Variants in STAU2 observed in about 807,000 individuals in gnomAD.
The protein encoded by STAU2 is double-stranded RNA-binding protein Staufen homolog 2.
STAU2 carries 20 observed loss-of-function variants against 65.9 expected under a neutral mutation model. That is an observed-to-expected ratio of 0.30 (90% CI 0.21 to 0.44). STAU2 has a LOEUF of 0.44. Ranked by LOEUF, STAU2 falls within the 20% of genes least tolerant of loss-of-function variation. The pLI, the probability that STAU2 is intolerant of heterozygous loss-of-function variation, is 1.00. For missense variants in STAU2, 558 were observed against 683.9 expected (o/e 0.82, Z 2.05); for synonymous variants, 232 against 233.9 (o/e 0.99, Z 0.07).
intron 13 of STAU2, among the ~76,000 whole-genome samples, chr8:73,499,332 T>A (rs1422185532): frequency 6.6e-6 from 1 of 151,844 alleles, no homozygotes; most frequent in Non-Finnish European, 1.5e-5. Flanking sequence ...CATCAAAATG[T>A]GGCTAGTAGT....
rs537796344 is a variant in STAU2, at chr8:73,707,489, A to G, written c.114+1543T>C. ...GGTCAACATGCTGGAACAATCATCT[A>G]TTTAAGTGTTGAAATCACCAAAAAT... On this transcript the variant is annotated intron_variant, in intron 4 of 14. Transcript: ENST00000524300. 5.3e-5 allele frequency among the ~76,000 whole-genome samples: 8 copies of G among 152,330 alleles called. No homozygotes were observed. In the South Asian group the frequency reaches 1.4e-3, roughly 28 times the overall value.
intron 11 of STAU2, among the ~76,000 whole-genome samples, chr8:73,592,519 A>G (rs779295560): frequency 2.6e-5 from 4 of 152,142 alleles, no homozygotes; most frequent in African/African-American, 4.8e-5. Context: ...TTCCACAGAG[A>G]AAATTCTAAG....
chr8:73,738,514 A>G (rs533094196), intron 2 of STAU2, among the ~76,000 whole-genome samples, 165 bp from the exon 3 acceptor site: 20 of 152,346 alleles, frequency 1.3e-4, no homozygotes, highest in South Asian at 8.3e-4. Flanking sequence ...GCACTGTCCA[A>G]TCTGGAAGTC....
chr8:73,537,602 T>C (rs984238485), intron 13 of STAU2, among the ~76,000 whole-genome samples: 2 of 152,220 alleles, frequency 1.3e-5, no homozygotes, highest in African/African-American at 2.4e-5. Context: ...CCCAGACTTT[T>C]ATATCTAGAA....
chr8:73,698,626 A>G (rs1819852295), intron 4 of STAU2, among the ~76,000 whole-genome samples: 1 of 152,200 alleles, frequency 6.6e-6, no homozygotes, highest in Non-Finnish European at 1.5e-5. Flanking sequence ...ATATATATGC[A>G]ACCAACACTG....
At chr8:73,533,023 A>C (rs929769593) in intron 13 of STAU2, among the ~76,000 whole-genome samples, 1 of 152,212 alleles carries the variant, frequency 6.6e-6, no homozygotes, top group South Asian at 2.1e-4. Flanking sequence ...TCCAACACCC[A>C]GTGCACACTT....
At chr8:73,627,034 G>C (rs1813695239) in intron 6 of STAU2, among the ~76,000 whole-genome samples, 1 of 151,960 alleles carries the variant, frequency 6.6e-6, no homozygotes, top group Non-Finnish European at 1.5e-5. Flanking sequence ...AGTGCTGGAA[G>C]TGTTCCTACT....
intron 13 of STAU2, among the ~76,000 whole-genome samples, chr8:73,458,284 T>G (rs1819173792): frequency 1.3e-5 from 2 of 152,370 alleles, no homozygotes; most frequent in Non-Finnish European, 2.9e-5. Context: ...GATAATGGAT[T>G]TGAATCTCAT....
At chr8:73,707,816 A>G (rs1338886823) in intron 4 of STAU2, among the ~76,000 whole-genome samples, 1 of 152,140 alleles carries the variant, frequency 6.6e-6, no homozygotes, top group Non-Finnish European at 1.5e-5. Context: ...TACCACAGAG[A>G]ACTATAGGTC....
At chr8:73,509,764 A>G (rs1822282572) in intron 13 of STAU2, among the ~76,000 whole-genome samples, 1 of 152,176 alleles carries the variant, frequency 6.6e-6, no homozygotes, top group Admixed American at 6.5e-5. Flanking sequence ...AGTAAAAACA[A>G]TTACTGGGGA....
intron 13 of STAU2, among the ~76,000 whole-genome samples, chr8:73,448,431 C>T (rs1279577233): frequency 2.6e-5 from 4 of 152,144 alleles, no homozygotes; most frequent in African/African-American, 7.2e-5. Context: ...TACAGGCGCA[C>T]GCCGCCACGC....
Position 73,587,015 on chromosome 8 carries a change from AATTT to A in STAU2, c.1162-4189_1162-4186del, listed in dbSNP as rs540258530. Among the ~76,000 whole-genome samples, 296 of 152,312 alleles carry A rather than the reference AATTT, an allele frequency of 1.9e-3. 4 individuals carry two copies. The highest frequency in any genetic ancestry group is 6.8e-3 in the African/African-American group (282 of 41,580). On this transcript the variant is annotated intron_variant, in intron 11 of 14. Transcript: ENST00000524300. ...AGATTAAAACTCAAATGTCCAACAC[AATTT>A]ATCAAATACACATATAAAATACACA... is the stretch of plus-strand genomic sequence containing the variant.
At chr8:73,563,515 T>C (rs1158118872) in intron 12 of STAU2, among the ~76,000 whole-genome samples, 1 of 152,172 alleles carries the variant, frequency 6.6e-6, no homozygotes, top group East Asian at 1.9e-4. Flanking sequence ...GACAGAACTG[T>C]TCTGTATCAT....
intron 13 of STAU2, among the ~76,000 whole-genome samples, chr8:73,498,611 T>C (rs954057792): frequency 6.6e-6 from 1 of 151,780 alleles, no homozygotes; most frequent in Non-Finnish European, 1.5e-5. Context: ...GGCACTATGA[T>C]AGGCATGGCG....
chr8:73,633,708 C>T (rs542518932), intron 6 of STAU2, among the ~76,000 whole-genome samples: 19 of 152,226 alleles, frequency 1.2e-4, no homozygotes, highest in Non-Finnish European at 2.4e-4. Context: ...AGGCCAGGCA[C>T]GGTGGCTCAT....
At chr8:73,425,848 A>G (rs1257385215) in intron 13 of STAU2, among the ~76,000 whole-genome samples, 1 of 151,884 alleles carries the variant, frequency 6.6e-6, no homozygotes, top group African/African-American at 2.4e-5. Flanking sequence ...GCTGGAGTGC[A>G]GTGGTGTGAT....
At chr8:73,486,077 C>A (rs1820896145) in intron 13 of STAU2, among the ~76,000 whole-genome samples, 1 of 152,038 alleles carries the variant, frequency 6.6e-6, no homozygotes, top group Non-Finnish European at 1.5e-5. Flanking sequence ...AACATAGAGG[C>A]CAGACCTCTT....
At chr8:73,725,468 G>C (rs1805558628) in intron 3 of STAU2, among the ~76,000 whole-genome samples, 1 of 152,156 alleles carries the variant, frequency 6.6e-6, no homozygotes, top group Non-Finnish European at 1.5e-5. Context: ...TCAAGGCACT[G>C]TTAGTATTTT....
chr8:73,599,235 G>A (rs1390682253), intron 10 of STAU2, among the ~76,000 whole-genome samples: 1 of 152,126 alleles, frequency 6.6e-6, no homozygotes, highest in African/African-American at 2.4e-5. Flanking sequence ...TGGATATCTA[G>A]ACTTATTATG....
Sources: allele counts gnomAD v4.1 joint callset (sites outside exome capture counted in the v4.1 genomes callset), GRCh38; gene constraint gnomAD v4.1.1; transcripts MANE v1.5; gene names NCBI Gene and HGNC (gene_info 2026-07-23, HGNC 2026-07-21).